Variants in CXorf58 observed in about 807,000 individuals in gnomAD.
CXorf58 encodes uncharacterized protein CXorf58.
Under a neutral mutation model 26.0 loss-of-function variants are expected in CXorf58, and 24 were observed. The observed-to-expected ratio is 0.92, with a 90% CI of 0.67 to 1.30. The LOEUF is 1.30. Among genes scored for constraint, CXorf58 ranks in the 50% most tolerant of loss-of-function variants. The pLI is 0.00. For missense variants in CXorf58, 236 were observed against 263.9 expected, an observed-to-expected ratio of 0.89 and a Z score of 0.73; for synonymous variants, 87 against 86.1, an observed-to-expected ratio of 1.01 and a Z score of -0.06.
Position 23,916,289 on chromosome X carries a change from G to A in CXorf58, c.384G>A (p.Lys128=). The change falls in exon 5 of 9, where the codon AAG becomes AAA. Residue 128 remains lysine (K), a synonymous_variant. Coordinates refer to ENST00000379211, the MANE Select transcript of CXorf58 (RefSeq NM_152761.3). ...IFLHTDGHGY[K]YFSGKNVLMP... ...TTCATACTGATGGCCATGGTTACAA[G>A]TATTTTAGTGGAAAAAATGTATTAA... is the stretch of plus-strand genomic sequence containing the variant. The A allele has an allele frequency of 1.7e-6, 2 of 1,198,299 alleles. No individual in the cohort carries two copies. Among genetic ancestry groups the A allele is most frequent in the Non-Finnish European group, 2.3e-6 (2 of 885,937 alleles).
chrX:23,910,311 T>C lies in CXorf58; in HGVS notation c.9T>C (p.Arg3=). 2.6e-6 allele frequency: 3 copies of C among 1,163,002 alleles called. No individual in the cohort carries two copies. Among genetic ancestry groups the C allele is most frequent in the Non-Finnish European group, 3.5e-6 (3 of 856,171 alleles). Residue 3 remains arginine, a synonymous_variant, in exon 2 of 9, where the codon CGT becomes CGC. Coordinates refer to ENST00000379211, the MANE Select transcript of CXorf58 (RefSeq NM_152761.3). ...ACTTCATTGGAGGGAAAATGAATCGTTCCTCAAATGTACCACGTAAAGGTA... is the reference window on the plus strand; with the variant it reads ...ACTTCATTGGAGGGAAAATGAATCGCTCCTCAAATGTACCACGTAAAGGTA... MN[R]SSNVPRKGIL... is the part of the protein sequence containing the mutation.
intron 4 of CXorf58, 55 bp downstream of exon 4, chrX:23,915,849 C>A: frequency 1.5e-6 from 1 of 660,667 alleles, no homozygotes; most frequent in Non-Finnish European, 2.3e-6. Context: ...ATGAGGAAAT[C>A]TTAGATATGG....
chrX:23,914,713 C>G (rs1477364381), intron 3 of CXorf58, among the ~76,000 whole-genome samples: 1 of 109,363 alleles, frequency 9.1e-6, no homozygotes. Context: ...TGAAGAAACC[C>G]CATCTCTATT....
chrX:23,939,437 A>G lies in CXorf58; in HGVS notation c.*134A>G. On this transcript the variant is annotated 3_prime_UTR_variant, in exon 9 of 9. Transcript: ENST00000379211. The stretch of plus-strand genomic sequence containing the variant: ...TGAACAGTTAATTGACAGAAAACCA[A>G]AGTTGTTTAACAATCTGCTTGTCTG... 1 of 441,765 alleles carries G rather than the reference A, an allele frequency of 2.3e-6. No individual in the cohort carries two copies. The highest frequency in any genetic ancestry group is 3.9e-6 in the Non-Finnish European group (1 of 255,207). 36.4% of individuals were successfully genotyped at this position (441,765 alleles called of 1,213,427 possible).
chrX:23,916,681 A>C (rs1486762421), intron 5 of CXorf58, among the ~76,000 whole-genome samples: 1 of 105,646 alleles, frequency 9.5e-6, no homozygotes, highest in African/African-American at 3.5e-5. Flanking sequence ...CCTGAGGTCA[A>C]GAGTTTGAGA....
At position 23,916,368 on chromosome X, in the gene CXorf58, T is replaced by C. The variant is rs111886191; in HGVS notation, c.423+40T>C. 0.025 allele frequency: 21,363 copies of C among 839,648 alleles called. 1,815 individuals are homozygous for C. In the African/African-American group the frequency reaches 0.29, roughly 11 times the overall value. The allele number at this position is 839,648 out of a possible 1,213,427, so 69.2% of individuals were successfully genotyped here. A position where few individuals can be genotyped will look rare whatever the true frequency, so the allele number is the denominator to read the frequency against. On this transcript the variant is annotated intron_variant, in intron 5 of 8. Coordinates refer to ENST00000379211, the MANE Select transcript of CXorf58 (RefSeq NM_152761.3). Reference sequence around the variant, plus strand: ...TGTACATTTTATGTTAACTTAGCTTTTTAACATCTACATAGTATCTGAATT... The same window carrying C: ...TGTACATTTTATGTTAACTTAGCTTCTTAACATCTACATAGTATCTGAATT...
At chrX:23,914,531 T>G (rs1927669594) in intron 3 of CXorf58, among the ~76,000 whole-genome samples, 1 of 112,135 alleles carries the variant, frequency 8.9e-6, no homozygotes, top group Admixed American at 9.5e-5. Flanking sequence ...GTATGCCTTT[T>G]TATAAATTAC....
At chrX:23,910,211 G>T in intron 1 of CXorf58, 72 bp from the exon 2 acceptor site, 2 of 477,629 alleles carry the variant, frequency 4.2e-6, no homozygotes, top group Non-Finnish European at 7.0e-6. Context: ...CAATCATATG[G>T]CACTTGAGTC....
At chrX:23,925,209 AAAAT>A (rs991266427) in intron 5 of CXorf58, among the ~76,000 whole-genome samples, 6 of 111,855 alleles carry the variant, frequency 5.4e-5, no homozygotes, top group African/African-American at 9.7e-5. Flanking sequence ...GGAATTTAAA[AAAAT>A]AAATAAAGGA....
chrX:23,936,804 CAGAT>C (rs1928305572), intron 7 of CXorf58, among the ~76,000 whole-genome samples: 1 of 111,636 alleles, frequency 9.0e-6, no homozygotes, highest in Admixed American at 9.6e-5. Flanking sequence ...ATTTGCCAGA[CAGAT>C]GGCCTGGTTT....
rs200919353 is a variant in CXorf58 at position 23,938,626 on chromosome X, A to C, written c.865A>C (p.Lys289Gln). Residue 289 changes from lysine to glutamine, a missense_variant, in exon 8 of 9, where the codon AAG (lysine) becomes CAG (glutamine). Transcript: ENST00000379211. ...NQVKFLGRRSKQAQMKVEKMR... is the reference protein window; with the variant it reads ...NQVKFLGRRSQQAQMKVEKMR... ...AGTTAAATTTCTGGGTCGTCGATCC[A>C]AGCAAGCTCAAATGAAAGTTGAAAA... 8.4e-7 allele frequency: 1 copy of C among 1,192,528 alleles called. No individual in the cohort carries two copies. Among genetic ancestry groups the C allele is most frequent in the Admixed American group, 2.3e-5 (1 of 43,509 alleles).
chrX:23,910,323 A>T lies in CXorf58; in HGVS notation c.21A>T (p.Val7=), dbSNP rs1039467650. Residue 7 remains valine (V), a synonymous_variant, in exon 2 of 9, where the codon GTA becomes GTT. Coordinates refer to ENST00000379211, the MANE Select transcript of CXorf58 (RefSeq NM_152761.3). MNRSSN[V]PRKGILKSGT... is the part of the protein sequence containing the mutation. ...GGAAAATGAATCGTTCCTCAAATGT[A>T]CCACGTAAAGGTATTCTGAAATCAG... 21 of 1,182,874 alleles carry T rather than the reference A, an allele frequency of 1.8e-5. No homozygotes were observed. The highest frequency in any genetic ancestry group is 1.9e-5 in the Non-Finnish European group (17 of 874,773).
rs888237529 is a variant in CXorf58 at position 23,939,464 on chromosome X, C to G, written c.*161C>G. On this transcript the variant is annotated 3_prime_UTR_variant, in exon 9 of 9. Transcript: ENST00000379211. ...GTTGTTTAACAATCTGCTTGTCTGT[C>G]TATAAATAATGAGTATGTGTAATAA... 3.0e-5 allele frequency: 12 copies of G among 397,944 alleles called. No homozygotes were observed. The highest frequency in any genetic ancestry group is 2.3e-4 in the African/African-American group (9 of 39,401). 32.8% of individuals were successfully genotyped at this position (397,944 alleles called of 1,213,427 possible). A position where few individuals can be genotyped will look rare whatever the true frequency, so the allele number is the denominator to read the frequency against.
intron 5 of CXorf58, among the ~76,000 whole-genome samples, chrX:23,922,966 C>T (rs191923332): frequency 6.0e-4 from 67 of 111,772 alleles, no homozygotes; most frequent in African/African-American, 1.9e-3. Flanking sequence ...AGAGATGGCC[C>T]GCTTTGACGC....
intron 3 of CXorf58, among the ~76,000 whole-genome samples, chrX:23,914,394 C>G (rs758837725): frequency 3.6e-4 from 40 of 111,753 alleles, no homozygotes; most frequent in African/African-American, 1.1e-3. Flanking sequence ...CCTAAAAGCT[C>G]TTTAGTGTAC....
At chrX:23,921,087 TC>T (rs1488198017) in intron 5 of CXorf58, among the ~76,000 whole-genome samples, 1 of 110,843 alleles carries the variant, frequency 9.0e-6, no homozygotes, top group African/African-American at 3.3e-5. Context: ...ATCAATTGTT[TC>T]TTTCCTAGGA....
intron 3 of CXorf58, among the ~76,000 whole-genome samples, chrX:23,914,909 C>T (rs1399425882): frequency 2.7e-5 from 3 of 110,124 alleles, no homozygotes; most frequent in East Asian, 5.8e-4. Context: ...CTGAGGCGTG[C>T]GGCTCACAAG....
intron 3 of CXorf58, among the ~76,000 whole-genome samples, chrX:23,912,338 G>A (rs190637306): frequency 1.8e-5 from 2 of 111,835 alleles, no homozygotes; most frequent in African/African-American, 6.5e-5. Flanking sequence ...AGTATTTCTG[G>A]ATTTTTTAAA....
chrX:23,935,174 C>T (rs192478138), intron 6 of CXorf58, 22 bp from the exon 7 acceptor site: 13 of 1,166,528 alleles, frequency 1.1e-5, no homozygotes, highest in South Asian at 7.3e-5. Flanking sequence ...CCAACTTAAT[C>T]GTTCTTGTTT....
Sources: gnomAD v4.1 joint callset for allele counts (sites outside exome capture counted in the v4.1 genomes callset) on GRCh38, gnomAD v4.1.1 for gene constraint, MANE v1.5 for transcripts, NCBI Gene and HGNC (gene_info 2026-07-23, HGNC 2026-07-21) for gene names.